The following MYOM1 variants were observed in gnomAD, a reference collection of about 807,000 sequenced individuals.
MYOM1 encodes myomesin 1.
In MYOM1, 164 loss-of-function variants were observed where a neutral mutation model predicts 205.3. That is an observed-to-expected ratio of 0.80 (90% CI 0.70 to 0.91). The LOEUF is 0.91. MYOM1 is among the 40% of genes least tolerant of loss of function. The pLI, the probability that MYOM1 is intolerant of heterozygous loss-of-function variation, is 0.00. For missense variants in MYOM1, 2,011 were observed against 2,127.3 expected, an observed-to-expected ratio of 0.95 and a Z score of 1.08; for synonymous variants, 772 against 789.4, an observed-to-expected ratio of 0.98 and a Z score of 0.37.
chr18:3,176,978 A>G (rs768343845), intron 5 of MYOM1, among the ~76,000 whole-genome samples: 13 of 152,142 alleles, frequency 8.5e-5, no homozygotes, highest in Non-Finnish European at 1.6e-4. Context: ...TGGCTTATGC[A>G]TGTAATTCCT....
rs139896540 is a variant in MYOM1 at position 3,070,297 on chromosome 18, C to A, written c.4764+1537G>T. Reference sequence around the variant, plus strand: ...CAGAGTAGCTAAGACTACAGGTGTGCACCACCATACCCAGCTGACTTTTAA... The same window carrying A: ...CAGAGTAGCTAAGACTACAGGTGTGAACCACCATACCCAGCTGACTTTTAA... On this transcript the variant is annotated intron_variant, in intron 37 of 37. Coordinates refer to ENST00000356443, the MANE Select transcript of MYOM1 (RefSeq NM_003803.4). Among the ~76,000 whole-genome samples the A allele has an allele frequency of 1.4e-3, 209 of 152,198 alleles. 2 individuals are homozygous for A. The highest frequency in any genetic ancestry group is 4.6e-3 in the African/African-American group (192 of 41,522).
intron 9 of MYOM1, among the ~76,000 whole-genome samples, chr18:3,168,604 A>G (rs1199414561): frequency 1.3e-5 from 2 of 152,212 alleles, no homozygotes; most frequent in African/African-American, 2.4e-5. Flanking sequence ...TACATTCTTT[A>G]TGATTCTTTC....
intron 22 of MYOM1, among the ~76,000 whole-genome samples, chr18:3,106,244 C>T (rs2079449816): frequency 6.6e-6 from 1 of 152,018 alleles, no homozygotes; most frequent in Admixed American, 6.6e-5. Context: ...GGAACTGATC[C>T]CCCAGGATAA....
chr18:3,208,456 G>A (rs970805079), intron 2 of MYOM1, among the ~76,000 whole-genome samples: 5 of 152,176 alleles, frequency 3.3e-5, no homozygotes, highest in Admixed American at 3.3e-4. Flanking sequence ...CCAGGAGGTG[G>A]AGGTTGCAGT....
chr18:3,212,994 G>T (rs2081209590), intron 2 of MYOM1, among the ~76,000 whole-genome samples: 2 of 152,180 alleles, frequency 1.3e-5, no homozygotes, highest in Non-Finnish European at 2.9e-5. Context: ...CATTTTAATG[G>T]AATTTCAGAG....
chr18:3,160,164 CCTTTT>C (rs2080369053), intron 10 of MYOM1, among the ~76,000 whole-genome samples: 1 of 149,730 alleles, frequency 6.7e-6, no homozygotes, highest in Non-Finnish European at 1.5e-5. Context: ...CCCTTCCTTT[CCTTTT>C]CTTCTTCTCT....
chr18:3,155,563 T>C (rs1176782809), intron 10 of MYOM1, among the ~76,000 whole-genome samples: 1 of 152,182 alleles, frequency 6.6e-6, no homozygotes, highest in East Asian at 1.9e-4. Context: ...AATGTGTGTT[T>C]TTCACCTTCA....
At chr18:3,229,482 T>G in the MYOM1 span, among the ~76,000 whole-genome samples, 1 of 152,184 alleles carries the variant, frequency 6.6e-6, no homozygotes, top group East Asian at 1.9e-4. Context: ...AATAGAAGTA[T>G]TCCTTTTTAA....
intron 2 of MYOM1, among the ~76,000 whole-genome samples, chr18:3,207,378 C>T (rs968522911): frequency 3.3e-5 from 5 of 152,160 alleles, no homozygotes; most frequent in Non-Finnish European, 1.5e-5. Context: ...AGTATAAAGA[C>T]ACTTGACAAT....
At position 3,164,311 on chromosome 18, in the gene MYOM1, A is replaced by G; in HGVS notation, c.1468T>C (p.Tyr490His). ...AAGACATAAGCACTATATTGTTCATAATATTCTCCCATCCGTACACGGATT... is the reference window on the plus strand; with the variant it reads ...AAGACATAAGCACTATATTGTTCATGATATTCTCCCATCCGTACACGGATT... ...YTIRVRMGEY[Y>H]EQYSAYVFVR... The change falls in exon 10 of 38, where the codon TAT (tyrosine) becomes CAT (histidine). Residue 490 changes from tyrosine to histidine, a missense_variant. Tyr to His is a moderately conservative substitution (Grantham distance 83). Coordinates refer to ENST00000356443, the MANE Select transcript of MYOM1 (RefSeq NM_003803.4). The G allele has an allele frequency of 6.2e-7, 1 of 1,613,200 alleles. No homozygotes were observed. The highest frequency in any genetic ancestry group is 8.5e-7 in the Non-Finnish European group (1 of 1,179,500).
the MYOM1 span, among the ~76,000 whole-genome samples, chr18:3,241,784 C>T: frequency 6.6e-6 from 1 of 152,190 alleles, no homozygotes; most frequent in Non-Finnish European, 1.5e-5. Context: ...AGGAGGGAGG[C>T]TGTACCCTGC....
chr18:3,236,122 G>A, the MYOM1 span, among the ~76,000 whole-genome samples: 12 of 152,138 alleles, frequency 7.9e-5, no homozygotes, highest in Non-Finnish European at 1.5e-4. Flanking sequence ...AGTGAAGTAG[G>A]ACACTTCACT....
At chr18:3,171,262 CT>C (rs1423347348) in intron 8 of MYOM1, among the ~76,000 whole-genome samples, 4 of 152,006 alleles carry the variant, frequency 2.6e-5, no homozygotes, top group East Asian at 3.9e-4. Flanking sequence ...ATCTGCCTCA[CT>C]TTTTTTTATG....
chr18:3,097,988 C>G (rs2143743294), intron 25 of MYOM1, among the ~76,000 whole-genome samples: 1 of 152,324 alleles, frequency 6.6e-6, no homozygotes, highest in African/African-American at 2.4e-5. Context: ...TCTCTCATCT[C>G]CAACCTTTAA....
At chr18:3,199,539 C>T (rs537340153) in intron 2 of MYOM1, among the ~76,000 whole-genome samples, 6 of 152,292 alleles carry the variant, frequency 3.9e-5, no homozygotes, top group South Asian at 2.1e-4. Context: ...ACCAGATTTA[C>T]GTAAAAATTA....
intron 2 of MYOM1, among the ~76,000 whole-genome samples, chr18:3,195,307 T>C (rs957641151): frequency 6.6e-6 from 1 of 152,206 alleles, no homozygotes; most frequent in Non-Finnish European, 1.5e-5. Flanking sequence ...TCTTTTTCTA[T>C]GATGAGCATT....
At chr18:3,129,919 G>T (rs1411817994) in intron 17 of MYOM1, among the ~76,000 whole-genome samples, 1 of 152,128 alleles carries the variant, frequency 6.6e-6, no homozygotes, top group African/African-American at 2.4e-5. Context: ...TCATATTAAA[G>T]ATCCTAATTT....
intron 2 of MYOM1, among the ~76,000 whole-genome samples, chr18:3,208,306 G>A (rs1237428646): frequency 2.0e-5 from 3 of 152,172 alleles, no homozygotes; most frequent in Non-Finnish European, 4.4e-5. Context: ...GCTAGCTCGG[G>A]AGTTTGAGAC....
chr18:3,136,153 CTT>C lies in MYOM1; in HGVS notation c.2026-425_2026-424del, dbSNP rs563461208. 1.2e-3 allele frequency among the ~76,000 whole-genome samples: 189 copies of C among 152,182 alleles called. 2 individuals carry two copies. The South Asian group carries it at 0.015, about 12-fold the overall frequency. On this transcript the variant is annotated intron_variant, in intron 14 of 37. Transcript: ENST00000356443. ...TTGCCTGCCACCGTGTAAGACGTGC[CTT>C]TCGCCTTCCACCATGATTGTGAGGC...
Sources: allele counts gnomAD v4.1 joint callset (sites outside exome capture counted in the v4.1 genomes callset), GRCh38; gene constraint gnomAD v4.1.1; transcripts MANE v1.5; gene names NCBI Gene and HGNC (gene_info 2026-07-23, HGNC 2026-07-21).